C11orf16: variants seen among roughly 807,000 people sequenced by gnomAD.
C11orf16 encodes the protein chromosome 11 open reading frame 16, also known as uncharacterized protein C11orf16.
In C11orf16, 38 loss-of-function variants were observed where a neutral mutation model predicts 45.1. The ratio of observed to expected loss-of-function variants is 0.84; its 90% CI spans 0.65 to 1.10. The LOEUF (loss-of-function observed/expected upper bound fraction) is 1.10. Among genes scored for constraint, C11orf16 ranks in the 50% least tolerant of loss-of-function variants. The probability of loss-of-function intolerance (pLI) is 0.00; values close to 1 mark genes in which losing one functional copy is unlikely to be tolerated. For synonymous variants in C11orf16, 221 were observed against 222.0 expected (o/e 1.00, Z 0.04); for missense variants, 583 against 569.5 (o/e 1.02, Z -0.24).
At chr11:8,922,567 G>A (rs2064582556) in intron 5 of C11orf16, among the ~76,000 whole-genome samples, 1 of 152,182 alleles carries the variant, frequency 6.6e-6, no homozygotes, top group Non-Finnish European at 1.5e-5. Flanking sequence ...AGGACTATTA[G>A]GATCTAATTG....
chr11:8,925,039 A>G (rs1024926888), intron 5 of C11orf16, among the ~76,000 whole-genome samples: 2 of 152,186 alleles, frequency 1.3e-5, no homozygotes, highest in African/African-American at 4.8e-5. Flanking sequence ...CCTCACGACC[A>G]ATGCTCAAGA....
intron 5 of C11orf16, among the ~76,000 whole-genome samples, chr11:8,924,153 GA>G (rs1453012417): frequency 6.6e-6 from 1 of 152,070 alleles, no homozygotes; most frequent in African/African-American, 2.4e-5. Flanking sequence ...GAGTCACCAG[GA>G]AAGCTTCTCA....
At chr11:8,922,542 C>T (rs2064582366) in intron 5 of C11orf16, among the ~76,000 whole-genome samples, 1 of 152,220 alleles carries the variant, frequency 6.6e-6, no homozygotes, top group Non-Finnish European at 1.5e-5. Flanking sequence ...CAGCAGCTCA[C>T]AATCTGGCCT....
chr11:8,924,873 C>T (rs990749658), intron 5 of C11orf16, among the ~76,000 whole-genome samples: 3 of 152,192 alleles, frequency 2.0e-5, no homozygotes, highest in South Asian at 2.1e-4. Context: ...GCCCGCCACA[C>T]AGTTCTCAGC....
At chr11:8,922,536 A>T (rs1254929880) in intron 5 of C11orf16, among the ~76,000 whole-genome samples, 1 of 152,248 alleles carries the variant, frequency 6.6e-6, no homozygotes, top group East Asian at 1.9e-4. Flanking sequence ...CCCTGCCAGC[A>T]GCTCACAATC....
chr11:8,932,424 G>A, intron 1 of C11orf16, 98 bp from the exon 2 acceptor site: 1 of 995,638 alleles, frequency 1.0e-6, no homozygotes, highest in Non-Finnish European at 1.4e-6. Context: ...CTGCCTCTGG[G>A]GACAGTTGAG....
chr11:8,924,822 G>T (rs955568922), intron 5 of C11orf16, among the ~76,000 whole-genome samples: 1 of 152,170 alleles, frequency 6.6e-6, no homozygotes, highest in African/African-American at 2.4e-5. Flanking sequence ...TCCAGACTCC[G>T]TTGGGAATTT....
At chr11:8,920,844 G>T (rs1243255551) in intron 6 of C11orf16, among the ~76,000 whole-genome samples, 1 of 152,118 alleles carries the variant, frequency 6.6e-6, no homozygotes, top group Non-Finnish European at 1.5e-5. Context: ...AAAAGTCATT[G>T]CTGTGTCCCA....
intron 2 of C11orf16, 52 bp downstream of exon 2, chr11:8,932,089 CA>C (rs1320538376): frequency 1.3e-6 from 2 of 1,486,300 alleles, no homozygotes; most frequent in African/African-American, 2.8e-5. Flanking sequence ...CAGCCAAGAA[CA>C]AAGGAAAAAG....
Position 8,922,039 on chromosome 11 carries a change from T to C in C11orf16, c.1205-524A>G, listed in dbSNP as rs546070834. On this transcript the variant is annotated intron_variant, in intron 5 of 6. Transcript: ENST00000326053. ...CTGGACCTTATGCTTTTGGGAAACA[T>C]TACCTGATACCCAAGATTTGGAGTT... 3.3e-5 allele frequency among the ~76,000 whole-genome samples: 5 copies of C among 152,326 alleles called. No individual in the cohort carries two copies. The East Asian group carries it at 9.6e-4, about 29-fold the overall frequency.
chr11:8,925,340 C>A (rs538205046), intron 5 of C11orf16, 123 bp downstream of exon 5: 424 of 905,356 alleles, frequency 4.7e-4, no homozygotes, highest in Admixed American at 1.1e-3. Context: ...ACCAGACTCC[C>A]AAGGATTACT....
Position 8,929,549 on chromosome 11 carries a change from T to C in C11orf16, c.168-16A>G. On this transcript the variant is annotated splice_polypyrimidine_tract_variant and intron_variant, in intron 2 of 6. Coordinates refer to ENST00000326053, the MANE Select transcript of C11orf16 (RefSeq NM_020643.3). Reference sequence around the variant, plus strand: ...AGAGGCATGCCTGGAAAAAAGCAAATGGAATTAGTGGATAGAGAGCAACAA... The same window carrying C: ...AGAGGCATGCCTGGAAAAAAGCAAACGGAATTAGTGGATAGAGAGCAACAA... 2 of 1,602,192 alleles carry C rather than the reference T, an allele frequency of 1.2e-6. No homozygotes were observed. Among genetic ancestry groups the C allele is most frequent in the Non-Finnish European group, 1.7e-6 (2 of 1,175,174 alleles).
chr11:8,926,023 AG>A lies in C11orf16; in HGVS notation c.643del (p.Leu215Ter), dbSNP rs1566112453. On this transcript the variant is annotated frameshift_variant, in exon 5 of 7. Transcript: ENST00000326053. LOFTEE classifies it high-confidence loss of function. ...VPLGGVQSVS[L>X]TIWKKAVERL... The stretch of plus-strand genomic sequence containing the variant: ...CTCCACAGCCTTCTTCCAGATGGTC[AG>A]GGACACCGACTGGACCCCACCTAGG... 1 of 1,614,132 alleles carries A rather than the reference AG, an allele frequency of 6.2e-7. No homozygotes were observed. Among genetic ancestry groups the A allele is most frequent in the South Asian group, 1.1e-5 (1 of 91,084 alleles).
intron 5 of C11orf16, among the ~76,000 whole-genome samples, chr11:8,923,446 A>G (rs1348133121): frequency 6.6e-6 from 1 of 152,150 alleles, no homozygotes; most frequent in African/African-American, 2.4e-5. Context: ...AGCAAGAGGC[A>G]TTGGGAGCTA....
rs34599473 is a variant in C11orf16, at chr11:8,922,379, T to TAA, written c.1205-866_1205-865dup. On this transcript the variant is annotated intron_variant, in intron 5 of 6. Transcript: ENST00000326053. ...CATAGTGAGACCCTGTCTCTAAAAA[T>TAA]AAAAAAAAAATTGGGGCAAAACAAA... Among the ~76,000 whole-genome samples, 206 of 150,232 alleles carry TAA rather than the reference T, an allele frequency of 1.4e-3. 1 individual carries two copies. The highest frequency in any genetic ancestry group is 4.5e-3 in the African/African-American group (182 of 40,798).
At position 8,932,294 on chromosome 11, in the gene C11orf16, C is replaced by G. The variant is rs765784757; in HGVS notation, c.15G>C (p.Thr5=). Residue 5 remains threonine (T), a synonymous_variant, in exon 2 of 7, where the codon ACG becomes ACC. Coordinates refer to ENST00000326053, the MANE Select transcript of C11orf16 (RefSeq NM_020643.3). ...ATTTGAGCAAAGGCATCCTGGGCCC[C>G]GTGGAGGATTCCATGGCCTTCAGAG... MESS[T]GPRMPLLKYC... is the part of the protein sequence containing the mutation. The G allele has an allele frequency of 5.6e-6, 9 of 1,605,136 alleles. No homozygotes were observed. The highest frequency in any genetic ancestry group is 2.2e-5 in the South Asian group (2 of 89,676).
Position 8,925,522 on chromosome 11 carries a change from C to T in C11orf16, c.1145G>A (p.Cys382Tyr). Residue 382 changes from cysteine to tyrosine, a missense_variant, in exon 5 of 7, where the codon TGC becomes TAC. Coordinates refer to ENST00000326053, the MANE Select transcript of C11orf16 (RefSeq NM_020643.3). ...CTTCCAATACCTCCACTCAGGCTGGCAGAGGCCACTCTGTCTCAGAGGCAT... is the reference window on the plus strand; with the variant it reads ...CTTCCAATACCTCCACTCAGGCTGGTAGAGGCCACTCTGTCTCAGAGGCAT... ...LEMPLRQSGL[C>Y]QPEWRYWKRN... 1 of 1,614,238 alleles carries T rather than the reference C, an allele frequency of 6.2e-7. No individual in the cohort carries two copies. Among genetic ancestry groups the T allele is most frequent in the Non-Finnish European group, 8.5e-7 (1 of 1,180,042 alleles).
In C11orf16 at chr11:8,926,043, AC is replaced by A. The variant is rs991075171; in HGVS notation, c.623del (p.Gly208ValfsTer8). On this transcript the variant is annotated frameshift_variant, in exon 5 of 7. Coordinates refer to ENST00000326053, the MANE Select transcript of C11orf16 (RefSeq NM_020643.3). LOFTEE classifies it high-confidence loss of function. ...TGGTCAGGGACACCGACTGGACCCCACCTAGGGGCACTTTAGCAGCTTTGCC... is the reference window on the plus strand; with the variant it reads ...TGGTCAGGGACACCGACTGGACCCCACTAGGGGCACTTTAGCAGCTTTGCC... Reference protein sequence around the residue: ...WNGKAAKVPLGGVQSVSLTIW... With the variant: ...WNGKAAKVPLXGVQSVSLTIW... 6.2e-6 allele frequency: 10 copies of A among 1,613,866 alleles called. No individual in the cohort carries two copies. The highest frequency in any genetic ancestry group is 4.0e-5 in the African/African-American group (3 of 74,908).
At chr11:8,920,775 C>G (rs1433359918) in intron 6 of C11orf16, among the ~76,000 whole-genome samples, 1 of 152,258 alleles carries the variant, frequency 6.6e-6, no homozygotes, top group East Asian at 1.9e-4. Context: ...CTGTAGTGAG[C>G]CATGATTATG....
Sources: allele counts gnomAD v4.1 joint callset (sites outside exome capture counted in the v4.1 genomes callset), GRCh38; gene constraint gnomAD v4.1.1; transcripts MANE v1.5; gene names NCBI Gene and HGNC (gene_info 2026-07-23, HGNC 2026-07-21).